GRM5: variants seen among roughly 807,000 people sequenced by gnomAD.
The protein encoded by GRM5 is metabotropic glutamate receptor 5.
Under a neutral mutation model 83.1 loss-of-function variants are expected in GRM5, and 19 were observed. The observed-to-expected ratio is 0.23, with a 90% CI of 0.16 to 0.34. The LOEUF is 0.34. Among genes scored for constraint, GRM5 ranks in the 10% least tolerant of loss-of-function variants. The probability of loss-of-function intolerance (pLI) is 1.00; values close to 1 mark genes in which losing one functional copy is unlikely to be tolerated. For synonymous variants in GRM5, 675 were observed against 633.6 expected (o/e 1.07, Z -0.98); for missense variants, 1,160 against 1,588.3 (o/e 0.73, Z 4.58).
chr11:88,886,231 T>C (rs1489250682), intron 2 of GRM5, among the ~76,000 whole-genome samples: 2 of 152,208 alleles, frequency 1.3e-5, no homozygotes, highest in African/African-American at 4.8e-5. Context: ...TTCTCATATG[T>C]GTCTGTGTCC....
intron 8 of GRM5, among the ~76,000 whole-genome samples, chr11:88,535,159 C>A (rs79951032): frequency 0.019 from 2,875 of 152,162 alleles, 100 homozygotes; most frequent in African/African-American, 0.066. Flanking sequence ...AGATATTTGC[C>A]TTTCCTTTGC....
chr11:88,840,324 TTAC>T (rs1944174233), intron 3 of GRM5, among the ~76,000 whole-genome samples: 1 of 152,190 alleles, frequency 6.6e-6, no homozygotes, highest in Admixed American at 6.5e-5. Context: ...TTGCTTTCTG[TTAC>T]TACTTCTTCA....
intron 8 of GRM5, among the ~76,000 whole-genome samples, chr11:88,565,141 C>G (rs544917400): frequency 3.4e-4 from 52 of 152,288 alleles, no homozygotes; most frequent in African/African-American, 1.3e-3. Flanking sequence ...AGGAAGAAAT[C>G]AAAGCATAGA....
In GRM5 at chr11:89,024,237, C is replaced by A. The variant is rs1048596093; in HGVS notation, c.661+22975G>T. Among the ~76,000 whole-genome samples the A allele has an allele frequency of 2.0e-4, 31 of 152,244 alleles. 1 individual carries two copies. In the South Asian group the frequency reaches 5.4e-3, roughly 26 times the overall value. Reference sequence around the variant, plus strand: ...TTAATAAATAAATAATAAAGTTATTCATCAGATACCAAGTATCTTTTTTAA... The same window carrying A: ...TTAATAAATAAATAATAAAGTTATTAATCAGATACCAAGTATCTTTTTTAA... On this transcript the variant is annotated intron_variant, in intron 2 of 9. Transcript: ENST00000305447.
chr11:88,692,947 C>T (rs561080934), intron 3 of GRM5, among the ~76,000 whole-genome samples: 1 of 152,152 alleles, frequency 6.6e-6, no homozygotes, highest in African/African-American at 2.4e-5. Flanking sequence ...CACTGTCAGT[C>T]AGAAGGCTGG....
chr11:88,973,465 G>A (rs1023978944), intron 2 of GRM5, among the ~76,000 whole-genome samples: 11 of 152,104 alleles, frequency 7.2e-5, no homozygotes, highest in Middle Eastern at 3.2e-3. Flanking sequence ...GAGGCAAGGC[G>A]ATACTTAATC....
At chr11:89,009,718 A>C (rs1940631182) in intron 2 of GRM5, among the ~76,000 whole-genome samples, 1 of 151,128 alleles carries the variant, frequency 6.6e-6, no homozygotes, top group Non-Finnish European at 1.5e-5. Flanking sequence ...AACACGGTGA[A>C]ACCCCGTCTC....
chr11:88,977,035 G>A (rs187437256), intron 2 of GRM5, among the ~76,000 whole-genome samples: 32 of 151,796 alleles, frequency 2.1e-4, no homozygotes, highest in Admixed American at 1.8e-3. Flanking sequence ...TATTTCTCAT[G>A]TGGGGAGATT....
At chr11:88,777,917 C>G (rs1219823636) in intron 3 of GRM5, among the ~76,000 whole-genome samples, 1 of 152,176 alleles carries the variant, frequency 6.6e-6, no homozygotes, top group Non-Finnish European at 1.5e-5. Flanking sequence ...GGGTCAGGGA[C>G]CCACTTAAGG....
chr11:88,973,634 C>A (rs896611543), intron 2 of GRM5, among the ~76,000 whole-genome samples: 1 of 152,094 alleles, frequency 6.6e-6, no homozygotes, highest in African/African-American at 2.4e-5. Context: ...TGATTTCAAT[C>A]CAATGAGGCT....
intron 4 of GRM5, among the ~76,000 whole-genome samples, chr11:88,622,412 C>T (rs544774271): frequency 1.3e-5 from 2 of 152,208 alleles, no homozygotes; most frequent in Non-Finnish European, 2.9e-5. Flanking sequence ...CTAAAACGAA[C>T]ATTTTCTAAA....
intron 2 of GRM5, among the ~76,000 whole-genome samples, chr11:88,981,031 TA>T (rs1169648524): frequency 1.3e-5 from 2 of 152,096 alleles, no homozygotes; most frequent in South Asian, 2.1e-4. Flanking sequence ...ATGAGTTTTT[TA>T]AAAAAATCTA....
intron 4 of GRM5, among the ~76,000 whole-genome samples, chr11:88,611,916 G>C (rs1481541181): frequency 6.6e-6 from 1 of 151,452 alleles, no homozygotes; most frequent in Non-Finnish European, 1.5e-5. Flanking sequence ...ATTTTGGTAT[G>C]TTATGCCTTT....
intron 3 of GRM5, among the ~76,000 whole-genome samples, chr11:88,735,824 C>A (rs1017272591): frequency 9.2e-5 from 14 of 152,146 alleles, no homozygotes; most frequent in African/African-American, 2.9e-4. Flanking sequence ...ACTACTGATA[C>A]ACTACATGCA....
intron 2 of GRM5, among the ~76,000 whole-genome samples, chr11:88,968,111 G>C (rs747148866): frequency 3.9e-5 from 6 of 152,030 alleles, no homozygotes; most frequent in Non-Finnish European, 7.4e-5. Flanking sequence ...CCCAATTCAG[G>C]CTTATACAAA....
chr11:88,817,459 T>A (rs977405030), intron 3 of GRM5, among the ~76,000 whole-genome samples: 1 of 152,134 alleles, frequency 6.6e-6, no homozygotes, highest in Non-Finnish European at 1.5e-5. Flanking sequence ...ATTTTCCAGT[T>A]TCATGTCATC....
chr11:88,509,295 C>G lies in GRM5; in HGVS notation c.2936G>C (p.Gly979Ala). 3 of 1,499,452 alleles carry G rather than the reference C, an allele frequency of 2.0e-6. No homozygotes were observed. Among genetic ancestry groups the G allele is most frequent in the Non-Finnish European group, 2.7e-6 (3 of 1,128,330 alleles). 92.9% of individuals were successfully genotyped at this position (1,499,452 alleles called of 1,614,324 possible). The change falls in exon 10 of 10, where the codon GGT (glycine) becomes GCT (alanine). Residue 979 changes from glycine (G) to alanine (A), a missense_variant. Gly to Ala is a moderately conservative substitution (Grantham distance 60). Coordinates refer to ENST00000305447, the MANE Select transcript of GRM5 (RefSeq NM_001143831.3). Reference sequence around the variant, plus strand: ...TGGGCCGGCGCCTGCGCAGCCCGCACCGCCCGTGGCCCCCACGCCCCCAGC... The same window carrying G: ...TGGGCCGGCGCCTGCGCAGCCCGCAGCGCCCGTGGCCCCCACGCCCCCAGC... Reference protein sequence around the residue: ...GSAGGVGATGGAGCAGAGPGG... With the variant: ...GSAGGVGATGAAGCAGAGPGG...
At chr11:88,849,440 G>A (rs59185944) in intron 3 of GRM5, among the ~76,000 whole-genome samples, 40,963 of 151,890 alleles carry the variant, frequency 0.27, 6,732 homozygotes, top group Non-Finnish European at 0.37. Flanking sequence ...CTACATTTTT[G>A]TGATATAAAA....
At chr11:88,805,795 A>G (rs1306022314) in intron 3 of GRM5, among the ~76,000 whole-genome samples, 1 of 152,170 alleles carries the variant, frequency 6.6e-6, no homozygotes, top group Admixed American at 6.6e-5. Context: ...GAACCCATCA[A>G]TCTCATGAAT....
Sources: gnomAD v4.1 joint callset for allele counts (sites outside exome capture counted in the v4.1 genomes callset) on GRCh38, gnomAD v4.1.1 for gene constraint, MANE v1.5 for transcripts, NCBI Gene and HGNC (gene_info 2026-07-23, HGNC 2026-07-21) for gene names.